The following RHPN2 variants were observed in gnomAD, a reference collection of about 807,000 sequenced individuals.
RHPN2 encodes rhophilin-2.
A neutral mutation model predicts 79.0 loss-of-function variants in RHPN2; 40 were observed. The ratio of observed to expected loss-of-function variants is 0.51; its 90% CI spans 0.39 to 0.66. RHPN2 has a LOEUF of 0.66. Ranked by LOEUF, RHPN2 falls within the 30% of genes least tolerant of loss-of-function variation. The probability of loss-of-function intolerance (pLI) is 0.00; values close to 1 mark genes in which losing one functional copy is unlikely to be tolerated. For missense variants in RHPN2, 686 were observed against 883.5 expected (o/e 0.78, Z 2.83); for synonymous variants, 285 against 363.5 (o/e 0.78, Z 2.46).
At chr19:33,041,149 G>T (rs1453255574) in intron 2 of RHPN2, among the ~76,000 whole-genome samples, 1 of 152,116 alleles carries the variant, frequency 6.6e-6, no homozygotes, top group East Asian at 1.9e-4. Flanking sequence ...TAAGGGCTTA[G>T]CACCCCCATT....
intron 2 of RHPN2, among the ~76,000 whole-genome samples, chr19:33,032,428 G>T (rs1387627500): frequency 2.6e-5 from 4 of 151,960 alleles, no homozygotes; most frequent in African/African-American, 9.7e-5. Context: ...GTGTAGGGAG[G>T]AGCTGAAATT....
At chr19:33,058,146 C>T (rs1192938022) in intron 1 of RHPN2, among the ~76,000 whole-genome samples, 3 of 152,034 alleles carry the variant, frequency 2.0e-5, no homozygotes, top group Non-Finnish European at 2.9e-5. Context: ...GGCAACAGAG[C>T]GAGACTCCAT....
Position 33,061,425 on chromosome 19 carries a change from T to G in RHPN2, c.69+3359A>C, listed in dbSNP as rs368415536. On this transcript the variant is annotated intron_variant, in intron 1 of 14. Transcript: ENST00000254260. ...TTTCACTGTGTTAGCCAGGAAGGTCTCGATCTCCTGACCTCGTGATCCACT... is the reference window on the plus strand; with the variant it reads ...TTTCACTGTGTTAGCCAGGAAGGTCGCGATCTCCTGACCTCGTGATCCACT... 6.6e-5 allele frequency among the ~76,000 whole-genome samples: 10 copies of G among 151,588 alleles called. No homozygotes were observed. In the East Asian group the frequency reaches 1.9e-3, roughly 29 times the overall value.
At chr19:33,010,728 C>T (rs377073372) in intron 6 of RHPN2, among the ~76,000 whole-genome samples, 5 of 151,760 alleles carry the variant, frequency 3.3e-5, no homozygotes, top group Non-Finnish European at 7.4e-5. Flanking sequence ...ATCATCCAGG[C>T]TGGAGTACGG....
chr19:32,986,591 C>G (rs1199857013), intron 14 of RHPN2, among the ~76,000 whole-genome samples: 1 of 151,786 alleles, frequency 6.6e-6, no homozygotes, highest in Non-Finnish European at 1.5e-5. Context: ...GTCAGGAGTT[C>G]GAGACCAGCC....
rs544551786 is a variant in RHPN2 at position 33,017,948 on chromosome 19, G to A, written c.390+3623C>T. Among the ~76,000 whole-genome samples, 5 of 152,128 alleles carry A rather than the reference G, an allele frequency of 3.3e-5. No homozygotes were observed. In the East Asian group the frequency reaches 9.7e-4, roughly 29 times the overall value. Reference sequence around the variant, plus strand: ...AGGCAGGTGTATCATGAGGTCAGGAGTTCAAGATCAGCCTGGCCAGGATGG... The same window carrying A: ...AGGCAGGTGTATCATGAGGTCAGGAATTCAAGATCAGCCTGGCCAGGATGG... On this transcript the variant is annotated intron_variant, in intron 4 of 14. Transcript: ENST00000254260.
At chr19:33,030,985 G>A (rs968260676) in intron 2 of RHPN2, among the ~76,000 whole-genome samples, 1 of 152,108 alleles carries the variant, frequency 6.6e-6, no homozygotes, top group Non-Finnish European at 1.5e-5. Context: ...ACCTCCTCAG[G>A]TTTGGTAATT....
chr19:33,011,620 G>C (rs1490127810), intron 6 of RHPN2, 59 bp downstream of exon 6: 1 of 1,612,390 alleles, frequency 6.2e-7, no homozygotes, highest in Non-Finnish European at 8.5e-7. Context: ...TGATGCTGAG[G>C]CTCCAAAATT....
chr19:33,044,009 G>A (rs1198924716), intron 2 of RHPN2, among the ~76,000 whole-genome samples: 1 of 152,134 alleles, frequency 6.6e-6, no homozygotes, highest in Non-Finnish European at 1.5e-5. Flanking sequence ...ATGGCTGACT[G>A]AATTGAAGCC....
intron 1 of RHPN2, among the ~76,000 whole-genome samples, chr19:33,059,286 G>A (rs1972259936): frequency 6.9e-6 from 1 of 145,490 alleles, no homozygotes; most frequent in African/African-American, 2.6e-5. Flanking sequence ...CTTCACTTTT[G>A]TTTTTTTCTT....
At chr19:33,010,597 CT>C (rs938289512) in intron 6 of RHPN2, among the ~76,000 whole-genome samples, 3 of 152,050 alleles carry the variant, frequency 2.0e-5, no homozygotes, top group Admixed American at 6.6e-5. Context: ...ATTGGACAGG[CT>C]GGTCTCGAAC....
At position 33,048,406 on chromosome 19, in the gene RHPN2, A is replaced by G. The variant is rs377334121; in HGVS notation, c.70-4042T>C. Reference sequence around the variant, plus strand: ...CGTTTAAAGCATTAAACGGTTTCCAATTTTGTCTTTCTTCAGATTTAAGAT... The same window carrying G: ...CGTTTAAAGCATTAAACGGTTTCCAGTTTTGTCTTTCTTCAGATTTAAGAT... On this transcript the variant is annotated intron_variant, in intron 1 of 14. Transcript: ENST00000254260. 4.0e-5 allele frequency among the ~76,000 whole-genome samples: 6 copies of G among 151,280 alleles called. No homozygotes were observed. The East Asian group carries it at 1.2e-3, about 30-fold the overall frequency.
intron 1 of RHPN2, 35 bp downstream of exon 1, chr19:33,064,749 C>T (rs1972313052): frequency 2.7e-6 from 4 of 1,507,992 alleles, no homozygotes; most frequent in Admixed American, 2.0e-5. Flanking sequence ...GTCTGGAGCC[C>T]GCAGGTCCCC....
chr19:32,988,003 A>G (rs1164365995), intron 14 of RHPN2, among the ~76,000 whole-genome samples: 1 of 152,064 alleles, frequency 6.6e-6, no homozygotes, highest in Non-Finnish European at 1.5e-5. Context: ...CAATATATAA[A>G]GGCCCCATCT....
intron 1 of RHPN2, among the ~76,000 whole-genome samples, chr19:33,055,670 C>A (rs988129761): frequency 2.6e-5 from 4 of 151,256 alleles, no homozygotes; most frequent in Non-Finnish European, 5.9e-5. Context: ...ATGAATGCTG[C>A]TCATTCATCA....
intron 13 of RHPN2, chr19:32,991,224 G>A (rs1472222554): frequency 5.9e-5 from 11 of 186,006 alleles, no homozygotes; most frequent in African/African-American, 1.7e-4. Context: ...TTGGGAGGCC[G>A]AGGTAGGCGG....
intron 5 of RHPN2, among the ~76,000 whole-genome samples, chr19:33,012,038 CTTT>C (rs34140133): frequency 9.5e-5 from 12 of 126,398 alleles, no homozygotes; most frequent in Admixed American, 1.7e-4. Flanking sequence ...GGTTTTCCTT[CTTT>C]TTTTTTTTTT....
At chr19:33,042,359 C>A (rs1972107351) in intron 2 of RHPN2, among the ~76,000 whole-genome samples, 1 of 152,150 alleles carries the variant, frequency 6.6e-6, no homozygotes, top group Non-Finnish European at 1.5e-5. Context: ...CACGGCCTTC[C>A]CAGCACATGA....
intron 10 of RHPN2, among the ~76,000 whole-genome samples, chr19:32,997,809 T>C (rs1568311750): frequency 1.3e-5 from 2 of 152,258 alleles, no homozygotes; most frequent in African/African-American, 4.8e-5. Flanking sequence ...CTTTGTGATA[T>C]GGTCCTTTTT....
Sources: allele counts gnomAD v4.1 joint callset (sites outside exome capture counted in the v4.1 genomes callset), GRCh38; gene constraint gnomAD v4.1.1; transcripts MANE v1.5; gene names NCBI Gene and HGNC (gene_info 2026-07-23, HGNC 2026-07-21).